ZC3H14: variants seen among roughly 807,000 people sequenced by gnomAD.
ZC3H14 encodes zinc finger CCCH-type containing 14.
ZC3H14 carries 31 observed loss-of-function variants against 92.4 expected under a neutral mutation model. The ratio of observed to expected loss-of-function variants is 0.34; its 90% confidence interval spans 0.25 to 0.45. The LOEUF (loss-of-function observed/expected upper bound fraction) is 0.45, where lower values mean the gene tolerates loss of function less well. ZC3H14 is among the 20% of genes least tolerant of loss of function. The probability of loss-of-function intolerance (pLI) is 1.00; values close to 1 mark genes in which losing one functional copy is unlikely to be tolerated. For synonymous variants in ZC3H14, 321 were observed against 300.9 expected (o/e 1.07, Z -0.69); for missense variants, 781 against 897.3 (o/e 0.87, Z 1.66).
In ZC3H14 at chr14:88,572,015, T is replaced by C; in HGVS notation, c.236-15T>C. 6.3e-7 allele frequency: 1 copy of C among 1,597,706 alleles called. No individual in the cohort carries two copies. The highest frequency in any genetic ancestry group is 8.6e-7 in the Non-Finnish European group (1 of 1,168,124). ...AAATAAAAATAGATTAAAAGGACTG[T>C]ATTTTTCTTTTCAGAACCCTCTAGT... On this transcript the variant is annotated splice_polypyrimidine_tract_variant and intron_variant, in intron 4 of 16. Coordinates refer to ENST00000251038, the MANE Select transcript of ZC3H14 (RefSeq NM_024824.5).
intron 15 of ZC3H14, 24 bp from the exon 16 acceptor site, chr14:88,610,810 T>C (rs746926142): frequency 5.0e-6 from 8 of 1,598,304 alleles, no homozygotes; most frequent in Admixed American, 1.7e-5. Flanking sequence ...TGGATATTGT[T>C]GAAGCTCTGT....
chr14:88,625,407 T>C lies in ZC3H14; in HGVS notation c.*13656T>C. ...CATACTATAATTCTAGGGTTTATTT[T>C]TTATTTTTTTGAGACGGAGTTTCGC... On this transcript the variant is annotated 3_prime_UTR_variant, in exon 17 of 17. Coordinates refer to ENST00000251038, the MANE Select transcript of ZC3H14 (RefSeq NM_024824.5). The C allele has an allele frequency of 3.6e-6, 1 of 278,738 alleles. No individual in the cohort carries two copies. Among genetic ancestry groups the C allele is most frequent in the South Asian group, 6.4e-5 (1 of 15,582 alleles). 17.3% of individuals were successfully genotyped at this position (278,738 alleles called of 1,614,324 possible).
rs1472522933 is a variant in ZC3H14 at position 88,563,175 on chromosome 14, G to T, written c.36+6G>T. The T allele has an allele frequency of 1.9e-6, 3 of 1,603,918 alleles. No homozygotes were observed. Among genetic ancestry groups the T allele is most frequent in the Non-Finnish European group, 2.5e-6 (3 of 1,176,890 alleles). On this transcript the variant is annotated splice_donor_region_variant and intron_variant, in intron 1 of 16. Coordinates refer to ENST00000251038, the MANE Select transcript of ZC3H14 (RefSeq NM_024824.5). ...AGATCAGCCGCAAGATCCGGGTGAG[G>T]CCCGTGCCGGTCGGGGGTGGGAAGC...
At chr14:88,581,159 A>G (rs1287140103) in intron 9 of ZC3H14, among the ~76,000 whole-genome samples, 1 of 152,152 alleles carries the variant, frequency 6.6e-6, no homozygotes, top group Admixed American at 6.5e-5. Flanking sequence ...ATATAAATAC[A>G]TTTTTTTCTA....
intron 9 of ZC3H14, chr14:88,592,105 T>C (rs1337758636): frequency 6.6e-6 from 1 of 152,242 alleles, no homozygotes; most frequent in Admixed American, 6.5e-5. Flanking sequence ...CTGGACATAG[T>C]GGGCCATATG....
At position 88,596,661 on chromosome 14, in the gene ZC3H14, T is replaced by A. The variant is rs77518474; in HGVS notation, c.1280-73T>A. The A allele has an allele frequency of 1.8e-3, 2,332 of 1,303,686 alleles. 18 individuals are homozygous for A. In the African/African-American group the frequency reaches 0.031, roughly 17 times the overall value. The allele number at this position is 1,303,686 out of a possible 1,614,324, so 80.8% of individuals were successfully genotyped here. On this transcript the variant is annotated intron_variant, in intron 9 of 16. Coordinates refer to ENST00000251038, the MANE Select transcript of ZC3H14 (RefSeq NM_024824.5). ...ACTTCAAGTTAAGAACCCAGAAGGA[T>A]TGATTTTTGGGAACCACATGCTGGT...
intron 1 of ZC3H14, 111 bp from the exon 2 acceptor site, chr14:88,563,540 C>T: frequency 1.3e-6 from 2 of 1,582,290 alleles, no homozygotes; most frequent in African/African-American, 1.3e-5. Context: ...AGCCCCCGCC[C>T]GGGGGATCCG....
Position 88,618,786 on chromosome 14 carries a change from G to A in ZC3H14, c.*7035G>A. ...CACTGAGTTCTCACTAGAACCTACT[G>A]CCAGATACCGGGAATCCGGACTAAA... On this transcript the variant is annotated 3_prime_UTR_variant, in exon 17 of 17. Transcript: ENST00000251038. 1 of 1,594,752 alleles carries A rather than the reference G, an allele frequency of 6.3e-7. No homozygotes were observed. Among genetic ancestry groups the A allele is most frequent in the Non-Finnish European group, 8.6e-7 (1 of 1,169,250 alleles).
intron 10 of ZC3H14, among the ~76,000 whole-genome samples, chr14:88,597,678 T>TC (rs2084032897): frequency 6.6e-6 from 1 of 152,212 alleles, no homozygotes; most frequent in African/African-American, 2.4e-5. Flanking sequence ...CCTCCTGTCT[T>TC]CTCTCTGTAG....
chr14:88,567,321 T>A (rs919205034), intron 2 of ZC3H14, among the ~76,000 whole-genome samples: 2 of 151,702 alleles, frequency 1.3e-5, no homozygotes, highest in Non-Finnish European at 2.9e-5. Flanking sequence ...TTCACTGTGT[T>A]AGCCAGGATG....
At position 88,612,107 on chromosome 14, in the gene ZC3H14, G is replaced by T; in HGVS notation, c.*356G>T. On this transcript the variant is annotated 3_prime_UTR_variant, in exon 17 of 17. Coordinates refer to ENST00000251038, the MANE Select transcript of ZC3H14 (RefSeq NM_024824.5). Reference sequence around the variant, plus strand: ...CAGCTTAGGGGGCTACACGGTTGCTGTGTGAGTGGAGAGATGCAGTGAGGC... The same window carrying T: ...CAGCTTAGGGGGCTACACGGTTGCTTTGTGAGTGGAGAGATGCAGTGAGGC... 1 of 257,104 alleles carries T rather than the reference G, an allele frequency of 3.9e-6. No individual in the cohort carries two copies. Among genetic ancestry groups the T allele is most frequent in the South Asian group, 7.7e-5 (1 of 12,982 alleles). 15.9% of individuals were successfully genotyped at this position (257,104 alleles called of 1,614,324 possible).
chr14:88,615,785 C>CAA lies in ZC3H14; in HGVS notation c.*4036_*4037dup. On this transcript the variant is annotated 3_prime_UTR_variant, in exon 17 of 17. Coordinates refer to ENST00000251038, the MANE Select transcript of ZC3H14 (RefSeq NM_024824.5). Reference sequence around the variant, plus strand: ...TTTTTCTTCTCTGTAATTCTGGTCTCAAAGTTAATTTCTGTAGTCATCTCA... The same window carrying CAA: ...TTTTTCTTCTCTGTAATTCTGGTCTCAAAAAGTTAATTTCTGTAGTCATCTCA... 1 of 1,602,768 alleles carries CAA rather than the reference C, an allele frequency of 6.2e-7. No individual in the cohort carries two copies. Among genetic ancestry groups the CAA allele is most frequent in the Non-Finnish European group, 8.5e-7 (1 of 1,174,646 alleles).
chr14:88,608,314 A>G (rs895282235), intron 13 of ZC3H14: 2 of 472,928 alleles, frequency 4.2e-6, no homozygotes, highest in African/African-American at 2.2e-5. Context: ...GCAAGTGAAT[A>G]CCATCCCCAT....
At chr14:88,601,140 C>T (rs78738706) in intron 10 of ZC3H14, among the ~76,000 whole-genome samples, 1 of 152,182 alleles carries the variant, frequency 6.6e-6, no homozygotes, top group Non-Finnish European at 1.5e-5. Flanking sequence ...GTATATGTGT[C>T]TGTTTTTCTT....
chr14:88,611,813 T>C lies in ZC3H14; in HGVS notation c.*62T>C. 1 of 1,608,604 alleles carries C rather than the reference T, an allele frequency of 6.2e-7. No homozygotes were observed. Among genetic ancestry groups the C allele is most frequent in the East Asian group, 2.2e-5 (1 of 44,830 alleles). On this transcript the variant is annotated 3_prime_UTR_variant, in exon 17 of 17. Transcript: ENST00000251038. The stretch of plus-strand genomic sequence containing the variant: ...GAAGTTTTCATGTACTGATGAAAGA[T>C]ACTCTACAGAACTTGTCAAATCTTT...
chr14:88,607,178 T>G (rs2085545467), intron 12 of ZC3H14, 65 bp from the exon 13 acceptor site: 3 of 1,611,824 alleles, frequency 1.9e-6, no homozygotes, highest in Admixed American at 1.7e-5. Flanking sequence ...GGAAATATGT[T>G]AAAGGTGCTG....
chr14:88,589,425 C>T (rs2082836910), intron 9 of ZC3H14: 1 of 152,166 alleles, frequency 6.6e-6, no homozygotes, highest in African/African-American at 2.4e-5. Flanking sequence ...GTTGGATGGC[C>T]CTTTGTTTCA....
chr14:88,564,145 A>G (rs1370352698), intron 2 of ZC3H14, among the ~76,000 whole-genome samples: 2 of 151,940 alleles, frequency 1.3e-5, no homozygotes, highest in Non-Finnish European at 2.9e-5. Context: ...TCCTCTTGAC[A>G]TTTGTTTTTA....
At chr14:88,586,578 G>C (rs1003925898) in intron 9 of ZC3H14, 1 of 152,158 alleles carries the variant, frequency 6.6e-6, no homozygotes, top group Non-Finnish European at 1.5e-5. Flanking sequence ...TAGGTGATCT[G>C]TCCTTTCTCT....
Sources: allele counts gnomAD v4.1 joint callset (sites outside exome capture counted in the v4.1 genomes callset), GRCh38; gene constraint gnomAD v4.1.1; transcripts MANE v1.5; gene names NCBI Gene and HGNC (gene_info 2026-07-23, HGNC 2026-07-21).